DICER1: variants seen among roughly 807,000 people sequenced by gnomAD.
DICER1 encodes endoribonuclease Dicer.
A neutral mutation model predicts 194.1 loss-of-function variants in DICER1; 43 were observed. The observed-to-expected ratio is 0.22, with a 90% confidence interval of 0.17 to 0.29. DICER1 has a LOEUF of 0.29. DICER1 is among the 10% of genes least tolerant of loss of function. DICER1 has a pLI of 1.00. For missense variants in DICER1, 1,608 were observed against 2,317.0 expected (o/e 0.69, Z 6.28); for synonymous variants, 832 against 820.5 (o/e 1.01, Z -0.24).
chr14:95,111,229 G>A, intron 14 of DICER1, 88 bp downstream of exon 14: 2 of 1,529,548 alleles, frequency 1.3e-6, no homozygotes, highest in East Asian at 4.5e-5. Flanking sequence ...GGTGTGGGAA[G>A]CCAGCCAAGC....
chr14:95,091,441 T>C, intron 24 of DICER1, 76 bp from the exon 25 acceptor site: 1 of 1,387,444 alleles, frequency 7.2e-7, no homozygotes, highest in Non-Finnish European at 1.0e-6. Context: ...GTTTCTTTTC[T>C]TGGATATATG....
In DICER1 at chr14:95,108,057, C is replaced by G; in HGVS notation, c.2473G>C (p.Val825Leu). The change falls in exon 16 of 27, where the codon GTT (valine) becomes CTT (leucine). Residue 825 changes from valine to leucine, a missense_variant. By Grantham distance (32) the Val-to-Leu change is conservative. Coordinates refer to ENST00000343455, the MANE Select transcript of DICER1 (RefSeq NM_177438.3). ...HFPVYTRSGEVTISIELKKSG... is the reference protein window; with the variant it reads ...HFPVYTRSGELTISIELKKSG... ...TTCTTCAACTCAATGGATATGGTAA[C>G]CTCTCCAGAGCGTGTGTACACAGGA... 1 of 1,613,898 alleles carries G rather than the reference C, an allele frequency of 6.2e-7. No individual in the cohort carries two copies. Among genetic ancestry groups the G allele is most frequent in the Non-Finnish European group, 8.5e-7 (1 of 1,179,844 alleles).
intron 7 of DICER1, among the ~76,000 whole-genome samples, chr14:95,125,272 C>A (rs948398156): frequency 1.3e-5 from 2 of 151,790 alleles, no homozygotes; most frequent in Non-Finnish European, 2.9e-5. Context: ...GGAAAAGGAG[C>A]TAGGACAGCT....
rs1555372061 is a variant in DICER1 at position 95,113,134 on chromosome 14, A to G, written c.1998T>C (p.Thr666=). The change falls in exon 12 of 27, where the codon ACT becomes ACC. Residue 666 remains threonine, a synonymous_variant. Transcript: ENST00000343455. ...GAGGTGAGTTAATTGGCAGATAAAG[A>G]GTTGAATAAAATGTACCATCAGGCA... The part of the protein sequence containing the change: ...RELPDGTFYS[T]LYLPINSPLR... 6.2e-7 allele frequency: 1 copy of G among 1,613,892 alleles called. No homozygotes were observed. The highest frequency in any genetic ancestry group is 1.1e-5 in the South Asian group (1 of 91,084).
Position 95,106,143 on chromosome 14 carries a change from G to A in DICER1, c.2885C>T (p.Ser962Phe), listed in dbSNP as rs1891402225. Residue 962 changes from serine (S) to phenylalanine (F), a missense_variant, in exon 18 of 27, where the codon TCC (serine) becomes TTC (phenylalanine). Ser to Phe is a radical substitution (Grantham distance 155, BLOSUM62 -2). Coordinates refer to ENST00000343455, the MANE Select transcript of DICER1 (RefSeq NM_177438.3). ...TDLTPLSKFP[S>F]PEYETFAEYY... is the part of the protein sequence containing the mutation. ...TTCTGCAAAAGTTTCATACTCAGGG[G>A]AAGGAAATTTACTGAGTGGGGTAAG... 2 of 1,613,850 alleles carry A rather than the reference G, an allele frequency of 1.2e-6. No individual in the cohort carries two copies. Among genetic ancestry groups the A allele is most frequent in the East Asian group, 2.2e-5 (1 of 44,882 alleles).
In DICER1 at chr14:95,107,899, A is replaced by G. The variant is rs2140023496; in HGVS notation, c.2631T>C (p.Cys877=). The G allele has an allele frequency of 6.2e-7, 1 of 1,613,984 alleles. No homozygotes were observed. The highest frequency in any genetic ancestry group is 1.1e-5 in the South Asian group (1 of 91,076). The stretch of plus-strand genomic sequence containing the variant: ...TCTTACCAACATTAAGAGGTAGAAC[A>G]CAGTATGCTGAATCAGCGTCTGTAG... ...FKPTDADSAY[C]VLPLNVVNDS... is the part of the protein sequence containing the mutation. The change falls in exon 16 of 27, where the codon TGT becomes TGC. Residue 877 remains cysteine, a synonymous_variant. Coordinates refer to ENST00000343455, the MANE Select transcript of DICER1 (RefSeq NM_177438.3).
chr14:95,146,020 T>C (rs1030775915), intron 1 of DICER1, among the ~76,000 whole-genome samples: 1 of 152,248 alleles, frequency 6.6e-6, no homozygotes, highest in Non-Finnish European at 1.5e-5. Context: ...CTGGTTCATT[T>C]TACATGGTGA....
At position 95,106,099 on chromosome 14, in the gene DICER1, T is replaced by C; in HGVS notation, c.2929A>G (p.Asn977Asp). The C allele has an allele frequency of 6.2e-7, 1 of 1,614,224 alleles. No homozygotes were observed. Among genetic ancestry groups the C allele is most frequent in the Non-Finnish European group, 8.5e-7 (1 of 1,180,022 alleles). ...TGGTTGAGATTGGTTAGGTCAAGGT[T>C]GTACTTTGTTTTATAATATTCTGCA... ...TFAEYYKTKY[N>D]LDLTNLNQPL... Residue 977 changes from asparagine (N) to aspartate (D), a missense_variant, in exon 18 of 27, where the codon AAC (asparagine) becomes GAC (aspartate). Transcript: ENST00000343455.
chr14:95,124,077 C>T lies in DICER1; in HGVS notation c.1376+119G>A, dbSNP rs1044831729. 8.5e-5 allele frequency: 63 copies of T among 742,292 alleles called. 1 individual carries two copies. Among genetic ancestry groups the T allele is most frequent in the African/African-American group, 3.3e-4 (19 of 57,362 alleles). The allele number at this position is 742,292 out of a possible 1,614,324, so 46.0% of individuals were successfully genotyped here. ...GCATGACGTATCAGCAATGATGGCG[C>T]CAAGTCAAGGACACTTACATAACCC... On this transcript the variant is annotated intron_variant, in intron 8 of 26. Coordinates refer to ENST00000343455, the MANE Select transcript of DICER1 (RefSeq NM_177438.3). The surrounding 1 kb of genome is among the most constrained non-coding windows in gnomAD (Gnocchi z 4.5).
chr14:95,142,687 A>G (rs1168002791), intron 1 of DICER1, among the ~76,000 whole-genome samples: 3 of 152,198 alleles, frequency 2.0e-5, no homozygotes, highest in African/African-American at 7.2e-5. Context: ...TCATTTTCTC[A>G]TTTTAATTGA....
intron 1 of DICER1, among the ~76,000 whole-genome samples, chr14:95,156,619 T>C (rs973518874): frequency 6.6e-6 from 1 of 152,206 alleles, no homozygotes; most frequent in Non-Finnish European, 1.5e-5. Context: ...GAAAGGGTCC[T>C]CCGCAGGGTC....
intron 24 of DICER1, among the ~76,000 whole-genome samples, chr14:95,093,580 T>A (rs1163072711): frequency 2.6e-5 from 4 of 152,332 alleles, no homozygotes; most frequent in East Asian, 1.9e-4. Context: ...GGTCCGGCAG[T>A]GGAGGCCACT....
In DICER1 at chr14:95,108,426, A is replaced by C. The variant is rs1555370932; in HGVS notation, c.2334T>G (p.Thr778=). 1 of 1,614,080 alleles carries C rather than the reference A, an allele frequency of 6.2e-7. No homozygotes were observed. Among genetic ancestry groups the C allele is most frequent in the Non-Finnish European group, 8.5e-7 (1 of 1,179,936 alleles). ...CYLYVIGMVL[T]TPLPDELNFR... ...AGTTGAGTTCATCAGGTAAAGGTGT[A>C]GTTAAAACCATTCCTATCACATACA... The change falls in exon 15 of 27, where the codon ACT becomes ACG. Residue 778 remains threonine, a synonymous_variant. Coordinates refer to ENST00000343455, the MANE Select transcript of DICER1 (RefSeq NM_177438.3).
At chr14:95,117,791 C>A (rs1249941826) in intron 8 of DICER1, 37 bp from the exon 9 acceptor site, 2 of 1,605,270 alleles carry the variant, frequency 1.2e-6, no homozygotes, top group African/African-American at 2.7e-5. Flanking sequence ...TTAAACGTTG[C>A]TGAAAGAAAA....
At position 95,154,182 on chromosome 14, in the gene DICER1, G is replaced by A. The variant is rs534040357; in HGVS notation, c.-46+3048C>T. Among the ~76,000 whole-genome samples the A allele has an allele frequency of 3.3e-5, 5 of 152,298 alleles. No homozygotes were observed. In the East Asian group the frequency reaches 9.6e-4, roughly 29 times the overall value. On this transcript the variant is annotated intron_variant, in intron 1 of 26. Coordinates refer to ENST00000343455, the MANE Select transcript of DICER1 (RefSeq NM_177438.3). ...AGACACTATGATTGGAACCAAGATC[G>A]TAAAAAGGAGTCGACCCTGGGCTTC...
Position 95,099,743 on chromosome 14 carries a change from C to T in DICER1, c.4206+37G>A, listed in dbSNP as rs575559134. ...AAATCCCTCCAGTTACACACACACA[C>T]ACACACACACACACACACACACACA... is the stretch of plus-strand genomic sequence containing the variant. On this transcript the variant is annotated intron_variant, in intron 22 of 26. Transcript: ENST00000343455. The T allele has an allele frequency of 1.4e-3, 1,586 of 1,147,062 alleles. 2 individuals are homozygous for T. Among genetic ancestry groups the T allele is most frequent in the Non-Finnish European group, 1.7e-3 (1,496 of 857,286 alleles). The allele number at this position is 1,147,062 out of a possible 1,614,324, so 71.1% of individuals were successfully genotyped here.
intron 1 of DICER1, among the ~76,000 whole-genome samples, chr14:95,138,917 T>C (rs1321709015): frequency 6.8e-6 from 1 of 146,390 alleles, no homozygotes; most frequent in Admixed American, 7.0e-5. Context: ...TGTATACATA[T>C]GTAACTAACC....
chr14:95,086,236 C>T lies in DICER1; in HGVS notation c.*4262G>A, dbSNP rs776066400. ...GATGAAAGGACACAAAGTGAACAGA[C>T]GATAACTTTATTGGAGATTTACTTG... On this transcript the variant is annotated 3_prime_UTR_variant, in exon 27 of 27. Transcript: ENST00000343455. 14 of 231,520 alleles carry T rather than the reference C, an allele frequency of 6.0e-5. 1 individual carries two copies. Among genetic ancestry groups the T allele is most frequent in the South Asian group, 1.8e-4 (1 of 5,520 alleles). 14.3% of individuals were successfully genotyped at this position (231,520 alleles called of 1,614,324 possible).
At chr14:95,091,428 G>A (rs2139782279) in intron 24 of DICER1, 63 bp from the exon 25 acceptor site, 1 of 1,489,380 alleles carries the variant, frequency 6.7e-7, no homozygotes, top group Non-Finnish European at 9.4e-7. Flanking sequence ...GTCCACAGAT[G>A]TAGTTTCTTT....
Sources: gnomAD v4.1 joint callset for allele counts (sites outside exome capture counted in the v4.1 genomes callset) on GRCh38, gnomAD v4.1.1 for gene constraint, Gnocchi (gnomAD v3.1) non-coding constraint, MANE v1.5 for transcripts, NCBI Gene and HGNC (gene_info 2026-07-23, HGNC 2026-07-21) for gene names.